Variants in NDST4 observed in about 807,000 individuals in gnomAD.
NDST4 encodes N-deacetylase and N-sulfotransferase 4.
A neutral mutation model predicts 100.8 loss-of-function variants in NDST4; 63 were observed. That is an observed-to-expected ratio of 0.62 (90% CI 0.51 to 0.77). NDST4 has a LOEUF of 0.77. Among genes scored for constraint, NDST4 ranks in the 30% least tolerant of loss-of-function variants. The pLI is 0.00. For synonymous variants in NDST4, 377 were observed against 361.8 expected (o/e 1.04, Z -0.48); for missense variants, 943 against 1,018.4 (o/e 0.93, Z 1.01).
At chr4:115,023,912 G>A (rs148876051) in intron 2 of NDST4, among the ~76,000 whole-genome samples, 61 of 152,220 alleles carry the variant, frequency 4.0e-4, no homozygotes, top group African/African-American at 1.4e-3. Context: ...GATCTGCGAT[G>A]GTCATCTGTA....
intron 2 of NDST4, among the ~76,000 whole-genome samples, chr4:115,033,284 A>G (rs1374462926): frequency 6.6e-6 from 1 of 150,630 alleles, no homozygotes; most frequent in East Asian, 2.0e-4. Context: ...GCGAGGACTA[A>G]AGGCTAATTT....
intron 2 of NDST4, among the ~76,000 whole-genome samples, chr4:114,993,941 C>A (rs956723295): frequency 1.8e-4 from 28 of 152,088 alleles, no homozygotes; most frequent in African/African-American, 5.3e-4. Context: ...TATGATGCTT[C>A]CTCTATTCCA....
chr4:115,105,868 A>T (rs1340338404), intron 1 of NDST4, among the ~76,000 whole-genome samples: 1 of 152,170 alleles, frequency 6.6e-6, no homozygotes, highest in African/African-American at 2.4e-5. Flanking sequence ...ATATATAAAG[A>T]TAACTATACT....
At chr4:115,066,731 A>T (rs531435) in intron 2 of NDST4, among the ~76,000 whole-genome samples, 36,658 of 152,004 alleles carry the variant, frequency 0.24, 5,904 homozygotes, top group East Asian at 0.46. Flanking sequence ...CTGGGCACCT[A>T]AAGATTTCAT....
At position 115,009,533 on chromosome 4, in the gene NDST4, T is replaced by C. The variant is rs1259371463; in HGVS notation, c.979-32259A>G. Among the ~76,000 whole-genome samples, 4 of 122,282 alleles carry C rather than the reference T, an allele frequency of 3.3e-5. 1 individual carries two copies. The highest frequency in any genetic ancestry group is 5.2e-4 in the East Asian group (2 of 3,822). 80.2% of individuals were successfully genotyped at this position (122,282 alleles called of 152,430 possible). On this transcript the variant is annotated intron_variant, in intron 2 of 13. Transcript: ENST00000264363. ...TCCTTACACCTTATACAAAAATTAA[T>C]TCAAGATGGATTAAAGACTTAAACG...
chr4:115,097,172 C>A, intron 1 of NDST4, among the ~76,000 whole-genome samples: 1 of 152,018 alleles, frequency 6.6e-6, no homozygotes, highest in Non-Finnish European at 1.5e-5. Context: ...GGATATCTTA[C>A]AATGTTCTAG....
intron 13 of NDST4, among the ~76,000 whole-genome samples, 178 bp from the exon 14 acceptor site, chr4:114,828,113 G>A (rs1013959426): frequency 2.6e-5 from 4 of 152,032 alleles, no homozygotes; most frequent in African/African-American, 9.7e-5. Context: ...TTTGGCAAAG[G>A]TGTAGCTAAA....
chr4:115,081,345 C>T lies in NDST4; in HGVS notation c.-246-4063G>A, dbSNP rs543940747. On this transcript the variant is annotated intron_variant, in intron 1 of 13. Coordinates refer to ENST00000264363, the MANE Select transcript of NDST4 (RefSeq NM_022569.3). ...TGGAGATGAGGAAGCCTGGACCATA[C>T]AACTTGATATACCATAAGTGTTTAC... 2.6e-5 allele frequency among the ~76,000 whole-genome samples: 4 copies of T among 152,260 alleles called. No homozygotes were observed. The South Asian group carries it at 8.3e-4, about 32-fold the overall frequency.
At chr4:114,926,254 G>A (rs1449280690) in intron 6 of NDST4, among the ~76,000 whole-genome samples, 2 of 152,074 alleles carry the variant, frequency 1.3e-5, no homozygotes, top group Middle Eastern at 3.2e-3. Context: ...AGATGTCGAA[G>A]TATGCTTTTG....
At chr4:114,857,097 A>C (rs1343315312) in intron 7 of NDST4, among the ~76,000 whole-genome samples, 1 of 152,204 alleles carries the variant, frequency 6.6e-6, no homozygotes, top group Non-Finnish European at 1.5e-5. Context: ...GATTCATGAT[A>C]CTATGGCATC....
At chr4:114,900,756 A>G (rs73850736) in intron 6 of NDST4, among the ~76,000 whole-genome samples, 8,947 of 152,180 alleles carry the variant, frequency 0.059, 705 homozygotes, top group African/African-American at 0.18. Flanking sequence ...CGTCATTGTT[A>G]TACATGACTG....
At chr4:114,906,693 T>C (rs1724955119) in intron 6 of NDST4, among the ~76,000 whole-genome samples, 2 of 152,050 alleles carry the variant, frequency 1.3e-5, no homozygotes, top group African/African-American at 4.8e-5. Flanking sequence ...ATATAGCTTA[T>C]ATATCTTGTC....
rs1729183060 is a variant in NDST4, at chr4:115,076,377, C to A, written c.660G>T (p.Trp220Cys). 6.2e-7 allele frequency: 1 copy of A among 1,613,740 alleles called. No homozygotes were observed. Among genetic ancestry groups the A allele is most frequent in the Non-Finnish European group, 8.5e-7 (1 of 1,179,950 alleles). The change falls in exon 2 of 14, where the codon TGG (tryptophan) becomes TGT (cysteine). Residue 220 changes from tryptophan to cysteine, a missense_variant. By Grantham distance (215) the Trp-to-Cys change is radical. This residue lies in a region of NDST4 where 417 missense variants were observed against 384.2 expected (regional missense o/e 1.09). Transcript: ENST00000264363. ...TTGAATGATTATATTGGAAAATAGT[C>A]CAGTCTTCCCCAGGAAGAGGGCCTT... The part of the protein sequence containing the change: ...VEKGPLPGED[W>C]TIFQYNHSTY...
intron 2 of NDST4, among the ~76,000 whole-genome samples, chr4:115,055,380 A>T (rs1239436833): frequency 2.0e-5 from 3 of 152,144 alleles, no homozygotes; most frequent in Admixed American, 6.6e-5. Context: ...CTTCCATGAA[A>T]CTGGTCCCTG....
chr4:115,007,158 C>T (rs1727438249), intron 2 of NDST4, among the ~76,000 whole-genome samples: 2 of 152,114 alleles, frequency 1.3e-5, no homozygotes, highest in Non-Finnish European at 2.9e-5. Context: ...CTGCTAATAA[C>T]ACTACATGTA....
At chr4:115,052,720 G>T (rs1184782218) in intron 2 of NDST4, among the ~76,000 whole-genome samples, 1 of 151,992 alleles carries the variant, frequency 6.6e-6, no homozygotes, top group African/African-American at 2.4e-5. Flanking sequence ...TAAATTACTC[G>T]GGTATGTCTT....
chr4:114,905,174 T>C (rs1326748337), intron 6 of NDST4, among the ~76,000 whole-genome samples: 1 of 151,444 alleles, frequency 6.6e-6, no homozygotes, highest in East Asian at 1.9e-4. Flanking sequence ...GTGTGGTATG[T>C]GGGTAGCCTC....
At chr4:114,841,156 T>A (rs913474343) in intron 10 of NDST4, among the ~76,000 whole-genome samples, 1 of 152,224 alleles carries the variant, frequency 6.6e-6, no homozygotes, top group African/African-American at 2.4e-5. Context: ...GCACCAACTT[T>A]TCTTTATATT....
rs1488011545 is a variant in NDST4 at position 115,102,345 on chromosome 4, A to ACG, written c.-247+11098_-247+11099insCG. On this transcript the variant is annotated intron_variant, in intron 1 of 13. Coordinates refer to ENST00000264363, the MANE Select transcript of NDST4 (RefSeq NM_022569.3). ...AATGTAGAAATTTGCTAGCTGACTT[A>ACG]TGCATAAATAAAGGAGAGAGAAAAA... Among the ~76,000 whole-genome samples the ACG allele has an allele frequency of 3.3e-5, 5 of 152,162 alleles. No individual in the cohort carries two copies. In the East Asian group the frequency reaches 7.7e-4, roughly 23 times the overall value.
Sources: allele counts gnomAD v4.1 joint callset (sites outside exome capture counted in the v4.1 genomes callset), GRCh38; gene constraint gnomAD v4.1.1; regional missense constraint gnomAD v4.1.1; transcripts MANE v1.5; gene names NCBI Gene and HGNC (gene_info 2026-07-23, HGNC 2026-07-21).